The following DGKI variants were observed in gnomAD, a reference collection of about 807,000 sequenced individuals.
DGKI encodes the protein DAG kinase iota.
A neutral mutation model predicts 147.5 loss-of-function variants in DGKI; 55 were observed. The observed-to-expected ratio is 0.37, with a 90% CI of 0.30 to 0.47. The LOEUF (loss-of-function observed/expected upper bound fraction) is 0.47, where lower values mean the gene tolerates loss of function less well. Among genes scored for constraint, DGKI ranks in the 20% least tolerant of loss-of-function variants. The pLI, the probability that DGKI is intolerant of heterozygous loss-of-function variation, is 1.00. For synonymous variants in DGKI, 469 were observed against 477.1 expected, an observed-to-expected ratio of 0.98 and a Z score of 0.22; for missense variants, 1,007 against 1,323.8, an observed-to-expected ratio of 0.76 and a Z score of 3.71.
chr7:137,712,560 C>T (rs750258412), intron 1 of DGKI, among the ~76,000 whole-genome samples: 2 of 152,162 alleles, frequency 1.3e-5, no homozygotes, highest in Non-Finnish European at 2.9e-5. Context: ...CCAAAGCTGT[C>T]ACCCTAGAAA....
chr7:137,810,860 T>C (rs1432165731), intron 1 of DGKI, among the ~76,000 whole-genome samples: 1 of 152,044 alleles, frequency 6.6e-6, no homozygotes, highest in Non-Finnish European at 1.5e-5. Context: ...CACTCAAATA[T>C]ACAAAGCCAG....
intron 17 of DGKI, among the ~76,000 whole-genome samples, chr7:137,574,302 AACT>A (rs1183426993): frequency 6.6e-6 from 1 of 152,236 alleles, no homozygotes; most frequent in Non-Finnish European, 1.5e-5. Flanking sequence ...TAGTACTCTC[AACT>A]ACTAAGCAAA....
intron 3 of DGKI, among the ~76,000 whole-genome samples, chr7:137,664,377 C>CAAAAAAAAAAAA (rs1190186766): frequency 4.3e-4 from 24 of 55,646 alleles, no homozygotes; most frequent in South Asian, 7.3e-4. Flanking sequence ...GACTCCATCT[C>CAAAAAAAAAAAA]AAAAAAAAAA....
chr7:137,418,275 C>A (rs551832423), intron 28 of DGKI, among the ~76,000 whole-genome samples: 11 of 152,196 alleles, frequency 7.2e-5, no homozygotes, highest in Non-Finnish European at 1.5e-4. Flanking sequence ...AAAAGCAGTT[C>A]TTTTGAGGCT....
At chr7:137,599,079 GGT>G in intron 11 of DGKI, among the ~76,000 whole-genome samples, 2 of 151,980 alleles carry the variant, frequency 1.3e-5, no homozygotes, top group Non-Finnish European at 2.9e-5. Flanking sequence ...AAAAATAAGT[GGT>G]ACCCTTGTGT....
chr7:137,832,366 C>T (rs532645185), intron 1 of DGKI, among the ~76,000 whole-genome samples: 1 of 152,382 alleles, frequency 6.6e-6, no homozygotes, highest in East Asian at 1.9e-4. Flanking sequence ...CATACATCCT[C>T]TGAAATCAAG....
chr7:137,493,979 A>C (rs746962632), intron 21 of DGKI: 34 of 550,406 alleles, frequency 6.2e-5, no homozygotes, highest in Non-Finnish European at 1.1e-4. Context: ...CATTTTAAGA[A>C]ATAACTAAAT....
chr7:137,478,931 G>T (rs572927604), intron 23 of DGKI, among the ~76,000 whole-genome samples: 1 of 152,140 alleles, frequency 6.6e-6, no homozygotes, highest in African/African-American at 2.4e-5. Context: ...AAAAATATGC[G>T]TCTTTCAAAA....
chr7:137,771,602 A>T (rs1796198419), intron 1 of DGKI: 1 of 152,238 alleles, frequency 6.6e-6, no homozygotes, highest in South Asian at 2.1e-4. Context: ...ATGCATCTTT[A>T]TCTCAATAAT....
intron 7 of DGKI, 83 bp from the exon 8 acceptor site, chr7:137,620,023 A>G (rs1316683966): frequency 4.5e-5 from 27 of 595,830 alleles, no homozygotes; most frequent in African/African-American, 1.2e-4. Flanking sequence ...ACACACGCAC[A>G]CACACACACA....
intron 8 of DGKI, 98 bp from the exon 9 acceptor site, chr7:137,609,707 C>G: frequency 2.6e-6 from 2 of 774,186 alleles, no homozygotes; most frequent in Non-Finnish European, 4.4e-6. Flanking sequence ...GCATGCTGTT[C>G]CACTGCATGC....
intron 13 of DGKI, 60 bp downstream of exon 13, chr7:137,587,037 T>C (rs1247002923): frequency 8.1e-6 from 10 of 1,239,686 alleles, no homozygotes; most frequent in Non-Finnish European, 9.9e-6. Flanking sequence ...AGAACATCAG[T>C]GGATCTGGAA....
chr7:137,801,312 C>T (rs1034058334), intron 1 of DGKI, among the ~76,000 whole-genome samples: 1 of 151,976 alleles, frequency 6.6e-6, no homozygotes, highest in African/African-American at 2.4e-5. Context: ...TTTCCTGAAT[C>T]TCATTAGCTA....
chr7:137,604,355 T>C (rs1464221239), intron 10 of DGKI, among the ~76,000 whole-genome samples: 1 of 152,230 alleles, frequency 6.6e-6, no homozygotes, highest in Non-Finnish European at 1.5e-5. Flanking sequence ...TAAAGTTGCT[T>C]GTCCAATTAT....
At chr7:137,812,668 C>G (rs1241360562) in intron 1 of DGKI, among the ~76,000 whole-genome samples, 1 of 152,276 alleles carries the variant, frequency 6.6e-6, no homozygotes, top group African/African-American at 2.4e-5. Context: ...CCCTATGTGA[C>G]AGACTATACT....
chr7:137,682,276 T>C (rs994605618), intron 2 of DGKI, among the ~76,000 whole-genome samples: 5 of 152,156 alleles, frequency 3.3e-5, no homozygotes, highest in Non-Finnish European at 7.4e-5. Flanking sequence ...GAACTATTTT[T>C]GTTTTCTTCC....
At chr7:137,661,541 G>A (rs964706902) in intron 3 of DGKI, among the ~76,000 whole-genome samples, 1 of 152,128 alleles carries the variant, frequency 6.6e-6, no homozygotes, top group Non-Finnish European at 1.5e-5. Flanking sequence ...AGGTTGCTGG[G>A]CCAGGCCTAC....
At chr7:137,392,503 C>T (rs976064717) in intron 32 of DGKI, among the ~76,000 whole-genome samples, 7 of 152,196 alleles carry the variant, frequency 4.6e-5, no homozygotes, top group African/African-American at 1.7e-4. Context: ...GACTTCTCAG[C>T]TTTCATCTCG....
intron 19 of DGKI, among the ~76,000 whole-genome samples, chr7:137,554,847 G>C (rs1455804135): frequency 6.7e-6 from 1 of 148,664 alleles, no homozygotes; most frequent in East Asian, 2.0e-4. Flanking sequence ...GTGTTTTAAA[G>C]ACTAACAAGG....
Sources: gnomAD v4.1 joint callset for allele counts (sites outside exome capture counted in the v4.1 genomes callset) on GRCh38, gnomAD v4.1.1 for gene constraint, MANE v1.5 for transcripts, NCBI Gene and HGNC (gene_info 2026-07-23, HGNC 2026-07-21) for gene names.